The following FBXL17 variants were observed in gnomAD, a reference collection of about 807,000 sequenced individuals.
FBXL17 encodes F-box and leucine rich repeat protein 17, also known as F-box/LRR-repeat protein 17.
FBXL17 carries 22 observed loss-of-function variants against 66.2 expected under a neutral mutation model. That is an observed-to-expected ratio of 0.33 (90% CI 0.24 to 0.47). FBXL17 has a LOEUF of 0.47. Ranked by LOEUF, FBXL17 falls within the 20% of genes least tolerant of loss-of-function variation. The probability of loss-of-function intolerance (pLI) is 1.00; values close to 1 mark genes in which losing one functional copy is unlikely to be tolerated. For synonymous variants in FBXL17, 474 were observed against 400.5 expected, an observed-to-expected ratio of 1.18 and a Z score of -2.19; for missense variants, 878 against 948.2, an observed-to-expected ratio of 0.93 and a Z score of 0.97.
chr5:107,862,315 T>C (rs1198495424), intron 8 of FBXL17, among the ~76,000 whole-genome samples: 1 of 151,832 alleles, frequency 6.6e-6, no homozygotes, highest in Non-Finnish European at 1.5e-5. Flanking sequence ...TTATTTTTCT[T>C]CCCTTTAAAT....
intron 4 of FBXL17, among the ~76,000 whole-genome samples, chr5:108,304,550 G>A (rs1758746879): frequency 6.6e-6 from 1 of 151,584 alleles, no homozygotes; most frequent in South Asian, 2.1e-4. Flanking sequence ...CTTTAATTTT[G>A]TATTTAAAAA....
At chr5:107,931,942 C>T (rs1750750313) in intron 7 of FBXL17, among the ~76,000 whole-genome samples, 1 of 152,118 alleles carries the variant, frequency 6.6e-6, no homozygotes, top group South Asian at 2.1e-4. Flanking sequence ...GCTTATTAAT[C>T]ACTGGTTTAT....
chr5:108,193,379 G>C (rs1042391968), intron 5 of FBXL17, among the ~76,000 whole-genome samples: 2 of 152,118 alleles, frequency 1.3e-5, no homozygotes, highest in Non-Finnish European at 2.9e-5. Context: ...GAAAGGGAAA[G>C]GGGTGGTAGC....
intron 3 of FBXL17, among the ~76,000 whole-genome samples, chr5:108,356,318 A>G (rs376660024): frequency 1.3e-5 from 2 of 152,174 alleles, no homozygotes; most frequent in Non-Finnish European, 2.9e-5. Context: ...TCCAGCAATC[A>G]TGTACCTTGG....
At chr5:108,239,889 C>G (rs1035296997) in intron 4 of FBXL17, among the ~76,000 whole-genome samples, 5 of 151,994 alleles carry the variant, frequency 3.3e-5, no homozygotes, top group African/African-American at 1.2e-4. Context: ...GGTAGAGCAG[C>G]AGGCAGAGTC....
intron 6 of FBXL17, among the ~76,000 whole-genome samples, chr5:108,021,471 T>A (rs1409553897): frequency 6.6e-6 from 1 of 151,340 alleles, no homozygotes; most frequent in Admixed American, 6.6e-5. Flanking sequence ...AAATATATTC[T>A]AAAAAGCTAT....
chr5:108,123,026 T>A (rs1168546089), intron 6 of FBXL17, among the ~76,000 whole-genome samples: 1 of 151,526 alleles, frequency 6.6e-6, no homozygotes, highest in Non-Finnish European at 1.5e-5. Context: ...CAGGTTCTAG[T>A]GTGATTTTTA....
rs1372051509 is a variant in FBXL17, at chr5:108,009,288, TATATATATATATAC to T, written c.1822+11623_1822+11636del. On this transcript the variant is annotated intron_variant, in intron 7 of 8. Transcript: ENST00000542267. Reference sequence around the variant, plus strand: ...ATATATATATATATATATATATATATATATATATATATACATATATACATACACATATAGTTTTG... The same window carrying T: ...ATATATATATATATATATATATATATATATATACATACACATATAGTTTTG... 4.5e-4 allele frequency among the ~76,000 whole-genome samples: 13 copies of T among 28,758 alleles called. 4 individuals carry two copies. The highest frequency in any genetic ancestry group is 1.1e-3 in the African/African-American group (10 of 8,696). The allele number at this position is 28,758 out of a possible 152,430, so 18.9% of individuals were successfully genotyped here.
At chr5:108,097,749 A>G (rs1177376943) in intron 6 of FBXL17, among the ~76,000 whole-genome samples, 1 of 150,568 alleles carries the variant, frequency 6.6e-6, no homozygotes, top group Non-Finnish European at 1.5e-5. Flanking sequence ...AGATCATGCC[A>G]CCGTACTCCA....
chr5:108,152,728 G>A (rs1751819557), intron 6 of FBXL17, among the ~76,000 whole-genome samples: 1 of 152,166 alleles, frequency 6.6e-6, no homozygotes, highest in Non-Finnish European at 1.5e-5. Flanking sequence ...CTTCTGTTGA[G>A]AGGCATGAAA....
intron 4 of FBXL17, among the ~76,000 whole-genome samples, chr5:108,271,412 G>A (rs1466292850): frequency 6.6e-6 from 1 of 152,156 alleles, no homozygotes; most frequent in African/African-American, 2.4e-5. Context: ...AACAAACCAG[G>A]TTAAGATAGC....
Position 108,380,784 on chromosome 5 carries a change from G to A in FBXL17, c.908C>T (p.Ser303Phe). 1.6e-6 allele frequency: 2 copies of A among 1,248,058 alleles called. No homozygotes were observed. The highest frequency in any genetic ancestry group is 8.4e-5 in the Admixed American group (2 of 23,738). 77.3% of individuals were successfully genotyped at this position (1,248,058 alleles called of 1,614,324 possible). A position where few individuals can be genotyped will look rare whatever the true frequency, so the allele number is the denominator to read the frequency against. The change falls in exon 1 of 9, where the codon TCC (serine) becomes TTC (phenylalanine). Residue 303 changes from serine to phenylalanine, a missense_variant. Physicochemically the swap from Ser to Phe is radical, Grantham distance 155. Around this residue, in one of 4 missense-constraint regions of FBXL17, gnomAD observed 605 missense variants for 509.5 expected, o/e 1.19. Coordinates refer to ENST00000542267, the MANE Select transcript of FBXL17 (RefSeq NM_001163315.3). ...HECGDADCRE[S>F]PENPCDCHRE... ...GTGACAGTCGCAGGGGTTTTCGGGG[G>A]ACTCCCGACAGTCCGCGTCGCCACA...
intron 8 of FBXL17, chr5:107,880,432 A>G: frequency 2.0e-6 from 2 of 989,108 alleles, no homozygotes; most frequent in Non-Finnish European, 2.4e-6. Context: ...CCATTTCCTA[A>G]ACTCATGCTC....
intron 7 of FBXL17, among the ~76,000 whole-genome samples, chr5:107,995,300 C>G: frequency 6.6e-6 from 1 of 152,250 alleles, no homozygotes; most frequent in Non-Finnish European, 1.5e-5. Flanking sequence ...TACAAGTCAA[C>G]TATTTCCTAT....
chr5:108,355,304 A>G (rs1580877275), intron 3 of FBXL17, among the ~76,000 whole-genome samples: 1 of 124,438 alleles, frequency 8.0e-6, no homozygotes. Flanking sequence ...TTATTTATTT[A>G]TTTTTGAGAC....
At chr5:107,894,242 T>A (rs939299410) in intron 7 of FBXL17, among the ~76,000 whole-genome samples, 2 of 152,226 alleles carry the variant, frequency 1.3e-5, no homozygotes, top group African/African-American at 4.8e-5. Context: ...ATCCAGCTGA[T>A]GAATTAGCTT....
At chr5:108,068,082 CTCATACTT>C (rs1381733516) in intron 6 of FBXL17, among the ~76,000 whole-genome samples, 21 of 152,164 alleles carry the variant, frequency 1.4e-4, no homozygotes, top group Non-Finnish European at 2.8e-4. Flanking sequence ...TTCATATTCA[CTCATACTT>C]TCAGATAGCC....
At chr5:107,946,258 TATATA>T (rs1751277910) in intron 7 of FBXL17, among the ~76,000 whole-genome samples, 277 of 21,990 alleles carry the variant, frequency 0.013, 7 homozygotes, top group Middle Eastern at 0.036. Flanking sequence ...TCTCATTTTA[TATATA>T]TATATATATA....
At chr5:108,240,231 T>C (rs955167951) in intron 4 of FBXL17, among the ~76,000 whole-genome samples, 5 of 152,098 alleles carry the variant, frequency 3.3e-5, no homozygotes, top group African/African-American at 7.2e-5. Flanking sequence ...TAGGCCACAG[T>C]TGGGTAGAGC....
Sources: allele counts gnomAD v4.1 joint callset (sites outside exome capture counted in the v4.1 genomes callset), GRCh38; gene constraint gnomAD v4.1.1; regional missense constraint gnomAD v4.1.1; transcripts MANE v1.5; gene names NCBI Gene and HGNC (gene_info 2026-07-23, HGNC 2026-07-21).